Variants in PPM1E observed in about 807,000 individuals in gnomAD.
The protein encoded by PPM1E is protein phosphatase 1E.
Under a neutral mutation model 65.9 loss-of-function variants are expected in PPM1E, and 20 were observed. The ratio of observed to expected loss-of-function variants is 0.30; its 90% confidence interval spans 0.21 to 0.44. The LOEUF is 0.44. Ranked by LOEUF, PPM1E falls within the 20% of genes least tolerant of loss-of-function variation. PPM1E has a pLI of 1.00. For missense variants in PPM1E, 713 were observed against 953.1 expected, an observed-to-expected ratio of 0.75 and a Z score of 3.32; for synonymous variants, 352 against 374.9, an observed-to-expected ratio of 0.94 and a Z score of 0.70.
At chr17:58,804,685 A>G (rs2050288681) in intron 1 of PPM1E, among the ~76,000 whole-genome samples, 1 of 152,196 alleles carries the variant, frequency 6.6e-6, no homozygotes, top group South Asian at 2.1e-4. Context: ...ATTTGAGAAA[A>G]TATTATTTAA....
At chr17:58,779,863 C>T (rs2050034437) in intron 1 of PPM1E, among the ~76,000 whole-genome samples, 1 of 152,072 alleles carries the variant, frequency 6.6e-6, no homozygotes, top group Admixed American at 6.6e-5. Flanking sequence ...TATTCTACTA[C>T]AACTTTAAAT....
At chr17:58,869,807 T>TG (rs747617477) in intron 1 of PPM1E, among the ~76,000 whole-genome samples, 12 of 152,316 alleles carry the variant, frequency 7.9e-5, no homozygotes, top group Non-Finnish European at 1.2e-4. Context: ...TTGGCAGTGT[T>TG]GCAGGCCCAT....
At chr17:58,783,210 AC>A (rs971756337) in intron 1 of PPM1E, among the ~76,000 whole-genome samples, 2 of 152,316 alleles carry the variant, frequency 1.3e-5, no homozygotes, top group African/African-American at 4.8e-5. Context: ...AGCTTGATGG[AC>A]CTTCATGCAA....
intron 1 of PPM1E, among the ~76,000 whole-genome samples, chr17:58,917,431 T>C (rs1032245327): frequency 6.6e-6 from 1 of 152,236 alleles, no homozygotes; most frequent in Non-Finnish European, 1.5e-5. Flanking sequence ...CCATTACATT[T>C]ACTCTGTGAC....
At chr17:58,816,785 TATATA>T (rs2065601892) in intron 1 of PPM1E, among the ~76,000 whole-genome samples, 13 of 10,864 alleles carry the variant, frequency 1.2e-3, no homozygotes, top group Non-Finnish European at 1.5e-3. Flanking sequence ...TATATATATA[TATATA>T]TATATTTTTT....
chr17:58,769,177 C>T (rs1000792126), intron 1 of PPM1E, among the ~76,000 whole-genome samples: 3 of 152,006 alleles, frequency 2.0e-5, no homozygotes, highest in Non-Finnish European at 4.4e-5. Flanking sequence ...TTTTCAATTT[C>T]ATTACTAATT....
At chr17:58,944,769 G>A (rs1259084630) in intron 1 of PPM1E, among the ~76,000 whole-genome samples, 4 of 152,046 alleles carry the variant, frequency 2.6e-5, no homozygotes, top group South Asian at 4.2e-4. Context: ...ACTATTTGGC[G>A]ATTATAAACA....
At chr17:58,833,898 G>A (rs1598600288) in intron 1 of PPM1E, among the ~76,000 whole-genome samples, 1 of 152,206 alleles carries the variant, frequency 6.6e-6, no homozygotes, top group Non-Finnish European at 1.5e-5. Flanking sequence ...TCCGACATCT[G>A]TTGTTTTTTG....
intron 3 of PPM1E, chr17:58,966,813 A>T (rs529909054): frequency 1.6e-4 from 25 of 152,916 alleles, no homozygotes; most frequent in African/African-American, 6.0e-4. Flanking sequence ...AATTTATACA[A>T]AGCACAATAT....
At chr17:58,792,943 A>G (rs1385746986) in intron 1 of PPM1E, among the ~76,000 whole-genome samples, 4 of 151,316 alleles carry the variant, frequency 2.6e-5, no homozygotes, top group African/African-American at 4.9e-5. Context: ...TAGTAGAGAC[A>G]GGGTTTCACC....
At chr17:58,969,356 C>G (rs1402297985) in intron 3 of PPM1E, 183 bp from the exon 4 acceptor site, 1 of 710,076 alleles carries the variant, frequency 1.4e-6, no homozygotes, top group African/African-American at 1.7e-5. Context: ...CACAGATACC[C>G]TAATATTGCA....
intron 1 of PPM1E, among the ~76,000 whole-genome samples, chr17:58,872,370 C>T (rs539636582): frequency 6.6e-6 from 1 of 152,126 alleles, no homozygotes; most frequent in Admixed American, 6.6e-5. Flanking sequence ...GAGGTTCAGA[C>T]CCTGAGAGAT....
intron 1 of PPM1E, among the ~76,000 whole-genome samples, chr17:58,795,074 T>TA (rs1026604758): frequency 4.6e-5 from 7 of 151,922 alleles, no homozygotes; most frequent in Admixed American, 3.3e-4. Flanking sequence ...GTATCTACAG[T>TA]AGAGACAGGG....
intron 1 of PPM1E, among the ~76,000 whole-genome samples, chr17:58,763,161 T>A (rs573272073): frequency 1.3e-5 from 2 of 152,264 alleles, no homozygotes; most frequent in South Asian, 4.1e-4. Context: ...TAATGTTAGT[T>A]TATTTCTTGC....
rs73331085 is a variant in PPM1E, at chr17:58,870,941, A to G, written c.465-84708A>G. Among the ~76,000 whole-genome samples the G allele has an allele frequency of 9.2e-3, 1,396 of 152,078 alleles. 26 individuals are homozygous for G. The highest frequency in any genetic ancestry group is 0.031 in the African/African-American group (1,292 of 41,486). On this transcript the variant is annotated intron_variant, in intron 1 of 6. Transcript: ENST00000308249. The stretch of plus-strand genomic sequence containing the variant: ...TGTGGGAATAGCCCCTCAAGGTGTC[A>G]CCCTTGTGTTGGTTTTTCCCTTTTA...
intron 1 of PPM1E, among the ~76,000 whole-genome samples, chr17:58,947,474 T>C (rs2052175456): frequency 6.6e-6 from 1 of 151,498 alleles, no homozygotes; most frequent in South Asian, 2.1e-4. Context: ...TGGTCTCAGG[T>C]GATCCACCCA....
intron 1 of PPM1E, among the ~76,000 whole-genome samples, chr17:58,895,291 G>A (rs2051398759): frequency 6.6e-6 from 1 of 152,024 alleles, no homozygotes; most frequent in Non-Finnish European, 1.5e-5. Flanking sequence ...ATTGAAATTA[G>A]GCCAGTTAAT....
chr17:58,913,888 T>G (rs1211630773), intron 1 of PPM1E, among the ~76,000 whole-genome samples: 1 of 152,254 alleles, frequency 6.6e-6, no homozygotes, highest in East Asian at 1.9e-4. Flanking sequence ...GACCTCTGGC[T>G]ACATGGCTTC....
intron 1 of PPM1E, among the ~76,000 whole-genome samples, chr17:58,878,722 A>G (rs1406197978): frequency 6.6e-6 from 1 of 150,494 alleles, no homozygotes; most frequent in Admixed American, 6.6e-5. Context: ...CACCTGAGGT[A>G]GGGAGTTTGA....
Sources: gnomAD v4.1 joint callset for allele counts (sites outside exome capture counted in the v4.1 genomes callset) on GRCh38, gnomAD v4.1.1 for gene constraint, MANE v1.5 for transcripts, NCBI Gene and HGNC (gene_info 2026-07-23, HGNC 2026-07-21) for gene names.